Variants in CELF2 observed in about 807,000 individuals in gnomAD.
CELF2 encodes CUG triplet repeat RNA-binding protein 2.
A neutral mutation model predicts 62.6 loss-of-function variants in CELF2; 8 were observed. The observed-to-expected ratio is 0.13, with a 90% CI of 0.07 to 0.23. The LOEUF (loss-of-function observed/expected upper bound fraction) is 0.23, where lower values mean the gene tolerates loss of function less well. Ranked by LOEUF, CELF2 falls within the 10% of genes least tolerant of loss-of-function variation. The probability of loss-of-function intolerance (pLI) is 1.00; values close to 1 mark genes in which losing one functional copy is unlikely to be tolerated. For synonymous variants in CELF2, 258 were observed against 250.0 expected, an observed-to-expected ratio of 1.03 and a Z score of -0.30; for missense variants, 333 against 671.0, an observed-to-expected ratio of 0.50 and a Z score of 5.56.
chr10:11,266,754 G>A, intron 6 of CELF2, 77 bp downstream of exon 6: 1 of 1,159,886 alleles, frequency 8.6e-7, no homozygotes, highest in Non-Finnish European at 1.3e-6. Flanking sequence ...CTCCTGTGTG[G>A]ATTGTTCACA....
chr10:10,864,114 C>G (rs972582605), intron 1 of CELF2, among the ~76,000 whole-genome samples: 4 of 152,162 alleles, frequency 2.6e-5, no homozygotes, highest in Admixed American at 6.5e-5. Flanking sequence ...AGTCAAAATG[C>G]ACTCAGTGAA....
At chr10:11,109,109 A>G (rs2054440431) in intron 1 of CELF2, among the ~76,000 whole-genome samples, 1 of 152,208 alleles carries the variant, frequency 6.6e-6, no homozygotes, top group African/African-American at 2.4e-5. Flanking sequence ...TGCATTAGGT[A>G]TATCTCATAT....
At chr10:10,543,176 G>C in the CELF2 span, among the ~76,000 whole-genome samples, 1 of 152,304 alleles carries the variant, frequency 6.6e-6, no homozygotes, top group Admixed American at 6.5e-5. Context: ...TATTTGCCTG[G>C]TGGCTGGGGA....
chr10:11,155,175 A>G (rs1213423929), intron 1 of CELF2, among the ~76,000 whole-genome samples: 1 of 152,220 alleles, frequency 6.6e-6, no homozygotes, highest in African/African-American at 2.4e-5. Flanking sequence ...ACAACAAGTT[A>G]TATATTTCCC....
chr10:10,997,195 G>A lies in CELF2; in HGVS notation c.89+77196G>A, dbSNP rs1244716838. ...CAGGCCCTTGTGTTTCCTCATTTGT[G>A]TCATGTGGGTGATAATGCAGATTTA... On this transcript the variant is annotated intron_variant, in intron 2 of 13. Coordinates refer to the CELF2 transcript ENST00000636488. This position sits in a 1 kb window ranked among gnomAD's most constrained non-coding sequence, Gnocchi z 5.3. Among the ~76,000 whole-genome samples, 1 of 152,136 alleles carries A rather than the reference G, an allele frequency of 6.6e-6. No homozygotes were observed. Among genetic ancestry groups the A allele is most frequent in the Non-Finnish European group, 1.5e-5 (1 of 68,014 alleles).
In CELF2 at chr10:11,262,199, C is replaced by G. The variant is rs1232981184; in HGVS notation, c.538+4327C>G. On this transcript the variant is annotated intron_variant, in intron 5 of 12. Transcript: ENST00000633077. ...ATATTTTCAGGGATGTTGGCAAGTA[C>G]AGACTGGATTTAGCTATTAAATCCT... Among the ~76,000 whole-genome samples, 3 of 152,294 alleles carry G rather than the reference C, an allele frequency of 2.0e-5. No individual in the cohort carries two copies. The East Asian group carries it at 5.8e-4, about 29-fold the overall frequency.
chr10:10,782,333 A>C, the CELF2 span, among the ~76,000 whole-genome samples: 1 of 152,200 alleles, frequency 6.6e-6, no homozygotes, highest in Non-Finnish European at 1.5e-5. Flanking sequence ...TATAAATCGC[A>C]GTGTGTGGCA....
chr10:11,202,464 C>T (rs889065757), intron 2 of CELF2, among the ~76,000 whole-genome samples: 2 of 152,152 alleles, frequency 1.3e-5, no homozygotes, highest in Non-Finnish European at 2.9e-5. Flanking sequence ...GTGAGCTTTT[C>T]GTAGCAAATT....
At chr10:11,310,607 G>A (rs2094512183) in intron 9 of CELF2, among the ~76,000 whole-genome samples, 1 of 152,022 alleles carries the variant, frequency 6.6e-6, no homozygotes, top group South Asian at 2.1e-4. Flanking sequence ...CTAAAATTGT[G>A]TGAAAATGTT....
chr10:10,625,128 A>T, the CELF2 span, among the ~76,000 whole-genome samples: 1 of 151,904 alleles, frequency 6.6e-6, no homozygotes, highest in Non-Finnish European at 1.5e-5. Context: ...TTCTCAGTTT[A>T]ATTAGATAGG....
At chr10:10,834,161 G>T (rs2058090291) in intron 1 of CELF2, among the ~76,000 whole-genome samples, 1 of 152,300 alleles carries the variant, frequency 6.6e-6, no homozygotes, top group Admixed American at 6.5e-5. Context: ...CCTTTGCAGG[G>T]ACATAGGTGG....
rs548878902 is a variant in CELF2 at position 10,911,801 on chromosome 10, C to G, written c.54-8163C>G. Among the ~76,000 whole-genome samples, 9 of 152,328 alleles carry G rather than the reference C, an allele frequency of 5.9e-5. 1 individual carries two copies. In the South Asian group the frequency reaches 1.9e-3, roughly 32 times the overall value. On this transcript the variant is annotated intron_variant, in intron 1 of 13. Transcript: ENST00000636488. ...GCTAGGCAGAAGGAACTTACAGGAG[C>G]GCTCTTGGGAAACTGTTCTGAAAGC...
the CELF2 span, among the ~76,000 whole-genome samples, chr10:10,716,094 C>T: frequency 6.6e-6 from 1 of 152,150 alleles, no homozygotes; most frequent in African/African-American, 2.4e-5. Context: ...AACTGTCTTT[C>T]CTAGGTGGCC....
the CELF2 span, among the ~76,000 whole-genome samples, chr10:10,723,714 A>G: frequency 6.6e-6 from 1 of 152,202 alleles, no homozygotes; most frequent in African/African-American, 2.4e-5. Flanking sequence ...TCTTTGTACC[A>G]TTCTGGGAGG....
chr10:11,266,807 C>A (rs1590170181), intron 6 of CELF2, 130 bp downstream of exon 6: 1 of 616,938 alleles, frequency 1.6e-6, no homozygotes, highest in Non-Finnish European at 2.8e-6. Context: ...AGTTTTCATT[C>A]ATTCATTCTC....
chr10:11,058,070 G>GAAA lies in CELF2; in HGVS notation c.74+39920_74+39922dup, dbSNP rs34621194. 7.7e-4 allele frequency among the ~76,000 whole-genome samples: 98 copies of GAAA among 126,768 alleles called. 1 individual carries two copies. In the East Asian group the frequency reaches 0.022, roughly 28 times the overall value. 83.2% of individuals were successfully genotyped at this position (126,768 alleles called of 152,430 possible). On this transcript the variant is annotated intron_variant, in intron 1 of 12. Transcript: ENST00000633077. Reference sequence around the variant, plus strand: ...AAATGGGAATAGATTATCTGAAGAGGAAAAAAAAAAAAAAACGGAATCTAA... The same window carrying GAAA: ...AAATGGGAATAGATTATCTGAAGAGGAAAAAAAAAAAAAAAAAACGGAATCTAA...
chr10:11,049,723 T>C (rs554682429), intron 1 of CELF2, among the ~76,000 whole-genome samples: 1 of 152,292 alleles, frequency 6.6e-6, no homozygotes, highest in Non-Finnish European at 1.5e-5. Context: ...CTTGCCTGCC[T>C]CCTTGTAGTG....
intron 4 of CELF2, among the ~76,000 whole-genome samples, chr10:11,256,469 G>A (rs1208370193): frequency 6.6e-6 from 1 of 151,646 alleles, no homozygotes; most frequent in African/African-American, 2.4e-5. Context: ...GGAATGACAA[G>A]ATGATAGTGC....
the CELF2 span, among the ~76,000 whole-genome samples, chr10:10,762,790 C>T: frequency 1.3e-5 from 2 of 152,172 alleles, no homozygotes; most frequent in South Asian, 4.2e-4. Context: ...GCCTGTAATC[C>T]CCGCACGTTG....
Sources: allele counts gnomAD v4.1 joint callset (sites outside exome capture counted in the v4.1 genomes callset), GRCh38; gene constraint gnomAD v4.1.1; non-coding constraint Gnocchi (gnomAD v3.1); transcripts MANE v1.5; gene names NCBI Gene and HGNC (gene_info 2026-07-23, HGNC 2026-07-21).